The following FBXL4 variants were observed in gnomAD, a reference collection of about 807,000 sequenced individuals.
The protein encoded by FBXL4 is F-box/LRR-repeat protein 4.
In FBXL4, 40 loss-of-function variants were observed where a neutral mutation model predicts 58.9. That is an observed-to-expected ratio of 0.68 (90% confidence interval 0.53 to 0.88). FBXL4 has a LOEUF of 0.88. FBXL4 is among the 40% of genes least tolerant of loss of function. The pLI is 0.00. For synonymous variants in FBXL4, 263 were observed against 265.5 expected (o/e 0.99, Z 0.09); for missense variants, 676 against 734.4 (o/e 0.92, Z 0.92).
intron 2 of FBXL4, among the ~76,000 whole-genome samples, chr6:98,933,406 C>T (rs1012307302): frequency 1.3e-5 from 2 of 152,138 alleles, no homozygotes; most frequent in Non-Finnish European, 2.9e-5. Flanking sequence ...TTCATGTCCA[C>T]ACCCACTACC....
At chr6:98,913,169 T>G (rs1772170902) in intron 5 of FBXL4, among the ~76,000 whole-genome samples, 1 of 152,124 alleles carries the variant, frequency 6.6e-6, no homozygotes, top group African/African-American at 2.4e-5. Flanking sequence ...GCACCCAGAT[T>G]CATAAAGCAA....
At chr6:98,886,281 T>A (rs1437996727) in intron 7 of FBXL4, among the ~76,000 whole-genome samples, 1 of 151,848 alleles carries the variant, frequency 6.6e-6, no homozygotes, top group African/African-American at 2.4e-5. Context: ...GCCTTAGGAG[T>A]AAATGAGAGA....
chr6:98,926,024 G>A (rs1401636532), intron 4 of FBXL4, among the ~76,000 whole-genome samples: 1 of 152,116 alleles, frequency 6.6e-6, no homozygotes, highest in Non-Finnish European at 1.5e-5. Flanking sequence ...AATGAATATG[G>A]GTGTTGCAAA....
chr6:98,899,303 G>A lies in FBXL4; in HGVS notation c.1282C>T (p.Leu428Phe), dbSNP rs1437164214. ...AFNHIAKLCS[L>F]KRLVLYRTKV... ...GTTCGATAGAGAACAAGTCGTTTAA[G>A]GCTGCATAACTTGGCAATGTGGTTG... The change falls in exon 7 of 10, where the codon CTT (leucine) becomes TTT (phenylalanine). Residue 428 changes from leucine to phenylalanine, a missense_variant. Coordinates refer to ENST00000369244, the MANE Select transcript of FBXL4 (RefSeq NM_001278716.2). 6.2e-7 allele frequency: 1 copy of A among 1,613,842 alleles called. No individual in the cohort carries two copies. Among genetic ancestry groups the A allele is most frequent in the African/African-American group, 1.3e-5 (1 of 74,918 alleles).
At chr6:98,894,687 T>C (rs1220265853) in intron 7 of FBXL4, among the ~76,000 whole-genome samples, 1 of 152,206 alleles carries the variant, frequency 6.6e-6, no homozygotes, top group Non-Finnish European at 1.5e-5. Flanking sequence ...TTACTAAGCA[T>C]GTATTTAATG....
intron 1 of FBXL4, among the ~76,000 whole-genome samples, chr6:98,939,702 C>T (rs1216450763): frequency 2.0e-5 from 3 of 152,180 alleles, no homozygotes; most frequent in Non-Finnish European, 4.4e-5. Context: ...CATGACTTCT[C>T]GCTGCTACTT....
At chr6:98,911,846 GAGA>G (rs1772088492) in intron 5 of FBXL4, among the ~76,000 whole-genome samples, 2 of 152,346 alleles carry the variant, frequency 1.3e-5, no homozygotes, top group African/African-American at 4.8e-5. Context: ...GACGACTTGA[GAGA>G]AGAAGGTTTC....
intron 7 of FBXL4, 134 bp downstream of exon 7, chr6:98,899,134 G>T: frequency 6.9e-7 from 1 of 1,439,992 alleles, no homozygotes; most frequent in East Asian, 2.5e-5. Flanking sequence ...CAGCTCTATT[G>T]ATTTCAGAGT....
chr6:98,875,570 G>T lies in FBXL4; in HGVS notation c.1547C>A (p.Pro516Gln). The change falls in exon 9 of 10, where the codon CCA becomes CAA. Residue 516 changes from proline (P) to glutamine (Q), a missense_variant. By Grantham distance (76) the Pro-to-Gln change is moderately conservative (BLOSUM62 -1). Transcript: ENST00000369244. ...LLEELDLGWC[P>Q]TLQSSTGCFT... ...GCACCCGGTGCTGCTCTGCAGAGTTGGGCACCAGCCAAGGTCAAGCTCCTC... is the reference window on the plus strand; with the variant it reads ...GCACCCGGTGCTGCTCTGCAGAGTTTGGCACCAGCCAAGGTCAAGCTCCTC... The T allele has an allele frequency of 6.2e-7, 1 of 1,614,110 alleles. No homozygotes were observed. The highest frequency in any genetic ancestry group is 8.5e-7 in the Non-Finnish European group (1 of 1,180,010).
At chr6:98,914,757 A>G (rs566397728) in intron 5 of FBXL4, among the ~76,000 whole-genome samples, 37 of 152,368 alleles carry the variant, frequency 2.4e-4, no homozygotes, top group African/African-American at 8.9e-4. Context: ...GAAAACTGGC[A>G]CAAGACAGGA....
At chr6:98,909,306 G>C (rs1161953975) in intron 5 of FBXL4, among the ~76,000 whole-genome samples, 1 of 152,120 alleles carries the variant, frequency 6.6e-6, no homozygotes, top group Non-Finnish European at 1.5e-5. Context: ...CAAAGACAGG[G>C]AGTCCCAATC....
chr6:98,916,618 T>A (rs1250954439), intron 5 of FBXL4, among the ~76,000 whole-genome samples: 2 of 151,348 alleles, frequency 1.3e-5, no homozygotes, highest in Admixed American at 1.3e-4. Context: ...AATTGAACAA[T>A]GAGAACACAT....
intron 4 of FBXL4, among the ~76,000 whole-genome samples, chr6:98,925,931 CA>C (rs1161275873): frequency 6.6e-6 from 1 of 151,834 alleles, no homozygotes; most frequent in Non-Finnish European, 1.5e-5. Context: ...GGTTGAATGA[CA>C]AAAACGACAG....
chr6:98,937,969 G>A (rs1419345294), intron 1 of FBXL4, among the ~76,000 whole-genome samples: 1 of 151,194 alleles, frequency 6.6e-6, no homozygotes, highest in African/African-American at 2.4e-5. Flanking sequence ...CTCCTTTGGT[G>A]TGGAGTCTAT....
chr6:98,913,645 C>A (rs1457399604), intron 5 of FBXL4, among the ~76,000 whole-genome samples: 1 of 152,188 alleles, frequency 6.6e-6, no homozygotes, highest in Non-Finnish European at 1.5e-5. Context: ...ATACCAGAAT[C>A]TCTGGGATGC....
rs565868411 is a variant in FBXL4, at chr6:98,895,971, T to A, written c.1317+3297A>T. Among the ~76,000 whole-genome samples, 3 of 152,288 alleles carry A rather than the reference T, an allele frequency of 2.0e-5. No individual in the cohort carries two copies. In the South Asian group the frequency reaches 6.2e-4, roughly 32 times the overall value. On this transcript the variant is annotated intron_variant, in intron 7 of 9. Transcript: ENST00000369244. ...ATACTAATTTTTGCTTATTTTAGAATTTTGTAGGGTTCAGGAAAACAGGGT... is the reference window on the plus strand; with the variant it reads ...ATACTAATTTTTGCTTATTTTAGAAATTTGTAGGGTTCAGGAAAACAGGGT...
In FBXL4 at chr6:98,898,866, C is replaced by T. The variant is rs1419541362; in HGVS notation, c.1317+402G>A. On this transcript the variant is annotated intron_variant, in intron 7 of 9. Transcript: ENST00000369244. The stretch of plus-strand genomic sequence containing the variant: ...ATGAGACTCATTAACTATGGTATTA[C>T]AAATTTTAACCCCCAAGTCTGGTCC... 3.0e-6 allele frequency: 3 copies of T among 985,216 alleles called. No homozygotes were observed. The African/African-American group carries it at 5.2e-5, about 17-fold the overall frequency. The allele number at this position is 985,216 out of a possible 1,614,324, so 61.0% of individuals were successfully genotyped here.
intron 1 of FBXL4, among the ~76,000 whole-genome samples, chr6:98,945,630 G>C (rs1184469435): frequency 6.6e-6 from 1 of 152,074 alleles, no homozygotes; most frequent in African/African-American, 2.4e-5. Flanking sequence ...TTATATTTTA[G>C]ATATCCAGTT....
In FBXL4 at chr6:98,874,122, TTTTTAC is replaced by T; in HGVS notation, c.*150_*155del. Reference sequence around the variant, plus strand: ...TATTTTATGAAAACATTTGTGCACATTTTTACTTGATTTAATGGACAATTTCATATT... The same window carrying T: ...TATTTTATGAAAACATTTGTGCACATTTGATTTAATGGACAATTTCATATT... On this transcript the variant is annotated 3_prime_UTR_variant, in exon 10 of 10. Transcript: ENST00000369244. The T allele has an allele frequency of 1.9e-6, 1 of 537,042 alleles. No individual in the cohort carries two copies. The highest frequency in any genetic ancestry group is 3.1e-6 in the Non-Finnish European group (1 of 321,792). The allele number at this position is 537,042 out of a possible 1,614,324, so 33.3% of individuals were successfully genotyped here. A position where few individuals can be genotyped will look rare whatever the true frequency, so the allele number is the denominator to read the frequency against.
Sources: gnomAD v4.1 joint callset for allele counts (sites outside exome capture counted in the v4.1 genomes callset) on GRCh38, gnomAD v4.1.1 for gene constraint, MANE v1.5 for transcripts, NCBI Gene and HGNC (gene_info 2026-07-23, HGNC 2026-07-21) for gene names.